Variants in SOCS2 observed in about 807,000 individuals in gnomAD.
The protein encoded by SOCS2 is CIS-2.
A neutral mutation model predicts 18.6 loss-of-function variants in SOCS2; 10 were observed. The ratio of observed to expected loss-of-function variants is 0.54; its 90% CI spans 0.33 to 0.91. The LOEUF (loss-of-function observed/expected upper bound fraction) is 0.91. Among genes scored for constraint, SOCS2 ranks in the 40% least tolerant of loss-of-function variants. The pLI is 0.02. For synonymous variants in SOCS2, 104 were observed against 104.0 expected, an observed-to-expected ratio of 1.00 and a Z score of 0.00; for missense variants, 231 against 247.2, an observed-to-expected ratio of 0.93 and a Z score of 0.44.
At chr12:93,584,063 G>A (rs940459371), downstream of SOCS2, among the ~76,000 whole-genome samples, 3 of 152,228 alleles carry the variant, frequency 2.0e-5, no homozygotes, top group Non-Finnish European at 2.9e-5. Context: ...TACAGCCAGA[G>A]AGGAGTAGAA....
the SOCS2 span, among the ~76,000 whole-genome samples, chr12:93,594,886 C>T: frequency 1.3e-5 from 2 of 152,156 alleles, no homozygotes; most frequent in African/African-American, 4.8e-5. Flanking sequence ...GTTTTTACTA[C>T]ATTTTGTTAA....
At chr12:93,625,684 G>A in the SOCS2 span, among the ~76,000 whole-genome samples, 3 of 148,590 alleles carry the variant, frequency 2.0e-5, no homozygotes, top group African/African-American at 7.4e-5. Flanking sequence ...GGAGGCGGAG[G>A]TTGCAATGAG....
the SOCS2 span, among the ~76,000 whole-genome samples, chr12:93,610,888 G>A: frequency 6.6e-6 from 1 of 152,104 alleles, no homozygotes; most frequent in South Asian, 2.1e-4. Flanking sequence ...CCAGTCTAAG[G>A]TGTTTTTTTA....
chr12:93,571,692 C>A (rs1954258281), upstream of SOCS2: 2 of 279,018 alleles, frequency 7.2e-6, no homozygotes. Flanking sequence ...CTTTTGTGTG[C>A]CCTCTGCGCA....
the SOCS2 span, among the ~76,000 whole-genome samples, chr12:93,601,862 T>C: frequency 6.6e-6 from 1 of 152,228 alleles, no homozygotes; most frequent in East Asian, 1.9e-4. Flanking sequence ...CCTGTCTCTA[T>C]TGAATTTACT....
At chr12:93,616,227 G>GT in the SOCS2 span, among the ~76,000 whole-genome samples, 1 of 152,200 alleles carries the variant, frequency 6.6e-6, no homozygotes, top group Non-Finnish European at 1.5e-5. Flanking sequence ...GGAAAGAGAA[G>GT]TTTATGTGCT....
downstream of SOCS2, among the ~76,000 whole-genome samples, chr12:93,579,962 T>C (rs191168842): frequency 7.9e-5 from 12 of 152,366 alleles, no homozygotes; most frequent in East Asian, 1.7e-3. Flanking sequence ...GCATTCTGAC[T>C]TGCCCTAGAT....
the SOCS2 span, among the ~76,000 whole-genome samples, chr12:93,595,747 A>G: frequency 6.6e-6 from 1 of 152,220 alleles, no homozygotes; most frequent in Non-Finnish European, 1.5e-5. Flanking sequence ...TTAATCTAAT[A>G]GAGTCTACAT....
chr12:93,608,914 C>T, the SOCS2 span, among the ~76,000 whole-genome samples: 1 of 152,136 alleles, frequency 6.6e-6, no homozygotes, highest in Non-Finnish European at 1.5e-5. Flanking sequence ...TTTGAATTTT[C>T]TAGATGAGGA....
the SOCS2 span, among the ~76,000 whole-genome samples, chr12:93,592,391 A>G: frequency 6.6e-6 from 1 of 152,188 alleles, no homozygotes; most frequent in Non-Finnish European, 1.5e-5. Context: ...GTCTCCTGCT[A>G]GTGGATATAC....
downstream of SOCS2, among the ~76,000 whole-genome samples, chr12:93,579,967 C>T (rs1037992592): frequency 3.0e-4 from 46 of 152,226 alleles, 1 homozygote; most frequent in African/African-American, 1.0e-3. Context: ...CTGACTTGCC[C>T]TAGATCAGAA....
chr12:93,601,629 G>A, the SOCS2 span, among the ~76,000 whole-genome samples: 1 of 152,158 alleles, frequency 6.6e-6, no homozygotes, highest in African/African-American at 2.4e-5. Flanking sequence ...TTTTTTAAAT[G>A]TATTTGTTCA....
downstream of SOCS2, among the ~76,000 whole-genome samples, chr12:93,585,709 G>A (rs1188665752): frequency 6.6e-6 from 1 of 152,096 alleles, no homozygotes; most frequent in East Asian, 1.9e-4. Flanking sequence ...CTGCAAAACA[G>A]TGTCTCTCCT....
chr12:93,581,952 A>G (rs1408736968), intron 1 of SOCS2, among the ~76,000 whole-genome samples: 1 of 152,230 alleles, frequency 6.6e-6, no homozygotes, highest in East Asian at 1.9e-4. Flanking sequence ...ACTTAGGTCA[A>G]ATATCCTGCC....
the SOCS2 span, among the ~76,000 whole-genome samples, chr12:93,612,251 T>TC: frequency 6.6e-6 from 1 of 152,154 alleles, no homozygotes; most frequent in African/African-American, 2.4e-5. Flanking sequence ...CCATGAATAC[T>TC]CCCCCTGCCT....
At chr12:93,614,451 CTTCCTTCCTTCCTTCCTTCCTTCCTTCCT>C in the SOCS2 span, among the ~76,000 whole-genome samples, 5 of 72,524 alleles carry the variant, frequency 6.9e-5, no homozygotes, top group Non-Finnish European at 1.2e-4. Context: ...TCCTTCCTTC[CTTCCTTCCTTCCTTCCTTCCTTCCTTCCT>C]TTCCTTCCTT....
chr12:93,577,645 TTC>T, downstream of SOCS2, among the ~76,000 whole-genome samples: 1 of 151,554 alleles, frequency 6.6e-6, no homozygotes, highest in African/African-American at 2.4e-5. Context: ...TTTACTGCTG[TTC>T]AACCAGATCA....
At chr12:93,574,128 T>C (rs1954372395) in intron 1 of SOCS2, 1 of 151,738 alleles carries the variant, frequency 6.6e-6, no homozygotes, top group African/African-American at 2.4e-5. Context: ...GCTATTGTAC[T>C]AGAGCTGTGC....
chr12:93,575,067 C>T lies in SOCS2; in HGVS notation c.485C>T (p.Ser162Phe), dbSNP rs1954420987. Residue 162 changes from serine to phenylalanine, a missense_variant, in exon 2 of 2, where the codon TCT becomes TTT. Ser to Phe is a radical substitution (Grantham distance 155). This residue lies in a region of SOCS2 where 122 missense variants were observed against 127.2 expected (regional missense o/e 0.96). Coordinates refer to ENST00000551556, the MANE Select transcript of SOCS2 (RefSeq NM_001270471.2). ...LTKPLYTSAP[S>F]LQHLCRLTIN... is the part of the protein sequence containing the mutation. ...AAACCGCTCTACACGTCAGCACCAT[C>T]TCTGCAGCATCTCTGTAGGCTCACC... 1 of 1,614,040 alleles carries T rather than the reference C, an allele frequency of 6.2e-7. No individual in the cohort carries two copies. The highest frequency in any genetic ancestry group is 1.7e-5 in the Admixed American group (1 of 60,004).
Sources: allele counts gnomAD v4.1 joint callset (sites outside exome capture counted in the v4.1 genomes callset), GRCh38; gene constraint gnomAD v4.1.1; regional missense constraint gnomAD v4.1.1; transcripts MANE v1.5; gene names NCBI Gene and HGNC (gene_info 2026-07-23, HGNC 2026-07-21).